The following PPFIBP2 variants were observed in gnomAD, a reference collection of about 807,000 sequenced individuals.
PPFIBP2 encodes the protein PPFIB scaffold protein 2.
A neutral mutation model predicts 118.3 loss-of-function variants in PPFIBP2; 118 were observed. The observed-to-expected ratio is 1.00, with a 90% CI of 0.86 to 1.16. The LOEUF (loss-of-function observed/expected upper bound fraction) is 1.16, where lower values mean the gene tolerates loss of function less well. Ranked by LOEUF, PPFIBP2 falls within the 50% of genes most tolerant of loss-of-function variation. PPFIBP2 has a pLI of 0.00. For missense variants in PPFIBP2, 1,195 were observed against 1,073.1 expected (o/e 1.11, Z -1.59); for synonymous variants, 414 against 397.4 (o/e 1.04, Z -0.50).
At chr11:7,659,425 T>C (rs1418057447), downstream of PPFIBP2, among the ~76,000 whole-genome samples, 1 of 144,024 alleles carries the variant, frequency 6.9e-6, no homozygotes, top group African/African-American at 2.6e-5. Context: ...TGCTTGTTTT[T>C]CTCAGGTTTG....
chr11:7,658,415 C>A (rs566618371), downstream of PPFIBP2, among the ~76,000 whole-genome samples: 46 of 101,584 alleles, frequency 4.5e-4, no homozygotes, highest in African/African-American at 1.1e-3. Context: ...TTTGTTCTTG[C>A]GATAGTTTAC....
intron 15 of PPFIBP2, 89 bp downstream of exon 15, chr11:7,639,959 A>T (rs1200371407): frequency 1.3e-6 from 2 of 1,490,762 alleles, no homozygotes; most frequent in Admixed American, 2.3e-5. Context: ...CTACCACCAC[A>T]ATCCACAATT....
chr11:7,549,557 C>T lies in PPFIBP2; in HGVS notation c.64+18C>T, dbSNP rs557409496. On this transcript the variant is annotated intron_variant, in intron 2 of 23. Coordinates refer to ENST00000299492, the MANE Select transcript of PPFIBP2 (RefSeq NM_003621.5). ...CATTGCAGGTACGCCCAGGGAACCCCAGCAACCAAGGTCTCATCCTCCACA... is the reference window on the plus strand; with the variant it reads ...CATTGCAGGTACGCCCAGGGAACCCTAGCAACCAAGGTCTCATCCTCCACA... The T allele has an allele frequency of 2.1e-5, 33 of 1,541,240 alleles. No individual in the cohort carries two copies. The Admixed American group carries it at 6.2e-4, about 29-fold the overall frequency.
chr11:7,617,169 A>C (rs948331689), intron 6 of PPFIBP2: 12 of 985,100 alleles, frequency 1.2e-5, no homozygotes, highest in Non-Finnish European at 1.4e-5. Context: ...GCAGCTGGAC[A>C]TCCACAGGCA....
the PPFIBP2 span, among the ~76,000 whole-genome samples, chr11:7,662,579 C>G: frequency 2.0e-5 from 3 of 150,700 alleles, no homozygotes; most frequent in South Asian, 2.2e-4. Context: ...CTGCCCTTAA[C>G]ATTTTTTCCT....
intron 3 of PPFIBP2, among the ~76,000 whole-genome samples, chr11:7,581,500 T>C (rs1857251488): frequency 6.6e-6 from 1 of 152,114 alleles, no homozygotes; most frequent in African/African-American, 2.4e-5. Context: ...CTCAAGCTGC[T>C]AATGTGAGAC....
the PPFIBP2 span, among the ~76,000 whole-genome samples, chr11:7,663,485 TGAG>T: frequency 2.0e-5 from 3 of 152,192 alleles, no homozygotes; most frequent in African/African-American, 2.4e-5. Flanking sequence ...GGGACCCACT[TGAG>T]GAGGCAGTCT....
chr11:7,529,694 A>G (rs1850519142), intron 1 of PPFIBP2, among the ~76,000 whole-genome samples: 2 of 152,080 alleles, frequency 1.3e-5, no homozygotes, highest in South Asian at 4.2e-4. Flanking sequence ...GCCTCCCAAA[A>G]TCCATTTCCC....
intron 3 of PPFIBP2, among the ~76,000 whole-genome samples, chr11:7,567,146 C>A (rs1364766721): frequency 6.6e-5 from 10 of 152,168 alleles, no homozygotes; most frequent in Non-Finnish European, 1.5e-4. Flanking sequence ...TTCCTTTTGG[C>A]CCTAGCAACG....
At chr11:7,630,754 A>C (rs572936906) in intron 10 of PPFIBP2, among the ~76,000 whole-genome samples, 171 bp from the exon 11 acceptor site, 1 of 152,348 alleles carries the variant, frequency 6.6e-6, no homozygotes, top group South Asian at 2.1e-4. Context: ...TCCTGATGCC[A>C]GCCCTTGCTC....
chr11:7,652,156 C>A (rs918913203), intron 23 of PPFIBP2, among the ~76,000 whole-genome samples: 21 of 152,260 alleles, frequency 1.4e-4, no homozygotes, highest in African/African-American at 4.8e-4. Context: ...AGAGCGGAAG[C>A]GCTCCGAGTC....
At chr11:7,666,458 A>G in the PPFIBP2 span, 29 of 1,609,076 alleles carry the variant, frequency 1.8e-5, no homozygotes, top group Non-Finnish European at 2.5e-5. Context: ...TACCAATGGG[A>G]GGCCTGTCCA....
At chr11:7,665,365 G>C in the PPFIBP2 span, 1 of 1,539,986 alleles carries the variant, frequency 6.5e-7, no homozygotes, top group Non-Finnish European at 8.8e-7. Flanking sequence ...TGCTGAGCAC[G>C]TGGAGGTGTT....
the PPFIBP2 span, among the ~76,000 whole-genome samples, chr11:7,662,335 C>A: frequency 1.3e-5 from 2 of 152,156 alleles, no homozygotes; most frequent in Non-Finnish European, 2.9e-5. Context: ...TCTTTTAGGG[C>A]AGGCCTAGTG....
At chr11:7,634,411 G>A in intron 12 of PPFIBP2, 84 bp from the exon 13 acceptor site, 1 of 1,099,262 alleles carries the variant, frequency 9.1e-7, no homozygotes. Context: ...AAGACCATCG[G>A]TTAAGCATTT....
In PPFIBP2 at chr11:7,653,100, CA is replaced by C. The variant is rs774151856; in HGVS notation, c.2515del (p.Met839TrpfsTer61). The C allele has an allele frequency of 6.2e-7, 1 of 1,614,158 alleles. No individual in the cohort carries two copies. Among genetic ancestry groups the C allele is most frequent in the South Asian group, 1.1e-5 (1 of 91,082 alleles). On this transcript the variant is annotated frameshift_variant, in exon 24 of 24. Coordinates refer to ENST00000299492, the MANE Select transcript of PPFIBP2 (RefSeq NM_003621.5). LOFTEE classifies it high-confidence loss of function. ...GATGAATCGACGGACTACATTTGCC[CA>C]ATGGAGCCCAGTGACGGTGTCAGTG... ...KFDESTDYIC[P>X]MEPSDGVSDS... is the part of the protein sequence containing the mutation.
At chr11:7,606,297 A>C (rs991870876) in intron 5 of PPFIBP2, among the ~76,000 whole-genome samples, 1 of 152,236 alleles carries the variant, frequency 6.6e-6, no homozygotes, top group Non-Finnish European at 1.5e-5. Context: ...TGGAAGTAGA[A>C]GGAGCAATTG....
chr11:7,555,284 A>G (rs1853474800), intron 2 of PPFIBP2, among the ~76,000 whole-genome samples: 1 of 152,166 alleles, frequency 6.6e-6, no homozygotes, highest in African/African-American at 2.4e-5. Flanking sequence ...CTGAGGAGGA[A>G]TAGTTAAGAG....
At chr11:7,634,174 C>G (rs545161665) in intron 12 of PPFIBP2, among the ~76,000 whole-genome samples, 1 of 152,288 alleles carries the variant, frequency 6.6e-6, no homozygotes, top group South Asian at 2.1e-4. Flanking sequence ...CACTGTAGAC[C>G]TTGGCCTTTT....
Sources: allele counts gnomAD v4.1 joint callset (sites outside exome capture counted in the v4.1 genomes callset), GRCh38; gene constraint gnomAD v4.1.1; transcripts MANE v1.5; gene names NCBI Gene and HGNC (gene_info 2026-07-23, HGNC 2026-07-21).